The following AGAP3 variants were observed in gnomAD, a reference collection of about 807,000 sequenced individuals.
The protein encoded by AGAP3 is ArfGAP with GTPase domain, ankyrin repeat and PH domain 3, also known as arf-GAP with GTPase, ANK repeat and PH domain-containing protein 3.
A neutral mutation model predicts 96.9 loss-of-function variants in AGAP3; 24 were observed. The ratio of observed to expected loss-of-function variants is 0.25; its 90% confidence interval spans 0.18 to 0.35. The LOEUF is 0.35. Ranked by LOEUF, AGAP3 falls within the 10% of genes least tolerant of loss-of-function variation. The pLI is 1.00. For synonymous variants in AGAP3, 563 were observed against 536.1 expected (o/e 1.05, Z -0.69); for missense variants, 876 against 1,254.2 (o/e 0.70, Z 4.55).
chr7:151,122,982 G>C (rs1443562033), intron 8 of AGAP3: 2 of 1,426,500 alleles, frequency 1.4e-6, no homozygotes, highest in East Asian at 2.6e-5. Flanking sequence ...GGGGCTGCCG[G>C]GGACCAGGCC....
chr7:151,092,812 G>A (rs1297816486), intron 1 of AGAP3, among the ~76,000 whole-genome samples: 1 of 152,124 alleles, frequency 6.6e-6, no homozygotes, highest in Admixed American at 6.5e-5. Flanking sequence ...TTGCATGTAT[G>A]GGCTGAATAA....
At chr7:151,106,652 A>G (rs905977272) in intron 1 of AGAP3, among the ~76,000 whole-genome samples, 1 of 152,014 alleles carries the variant, frequency 6.6e-6, no homozygotes, top group Non-Finnish European at 1.5e-5. Flanking sequence ...TAAATTTTGT[A>G]TTCTTAGTAG....
In AGAP3 at chr7:151,096,202, C is replaced by T. The variant is rs1026216062; in HGVS notation, c.331+9130C>T. Among the ~76,000 whole-genome samples, 2 of 152,176 alleles carry T rather than the reference C, an allele frequency of 1.3e-5. No individual in the cohort carries two copies. The highest frequency in any genetic ancestry group is 2.4e-5 in the African/African-American group (1 of 41,446). ...GAGGCTCAGCTGTCATCACCGCCTG[C>T]GTGGGGATGCGTGAGGTGAGGGCTG... is the stretch of plus-strand genomic sequence containing the variant. On this transcript the variant is annotated intron_variant, in intron 1 of 17. Coordinates refer to ENST00000397238, the MANE Select transcript of AGAP3 (RefSeq NM_031946.7). The surrounding 1 kb of genome is among the most constrained non-coding windows in gnomAD (Gnocchi z 4.4).
intron 1 of AGAP3, among the ~76,000 whole-genome samples, chr7:151,089,524 T>C (rs1035881916): frequency 2.0e-5 from 3 of 152,100 alleles, no homozygotes; most frequent in African/African-American, 7.2e-5. Context: ...GTGAAGGGTT[T>C]GTTTGTCCCA....
At chr7:151,089,656 A>G (rs947910214) in intron 1 of AGAP3, 2 of 152,270 alleles carry the variant, frequency 1.3e-5, no homozygotes, top group African/African-American at 4.8e-5. Flanking sequence ...TGTCCAGGAC[A>G]GGAGGAAGCA....
Position 151,090,362 on chromosome 7 carries a change from A to G in AGAP3, c.331+3290A>G, listed in dbSNP as rs1798342485. 2.2e-5 allele frequency: 3 copies of G among 137,634 alleles called. No homozygotes were observed. In the Middle Eastern group the frequency reaches 0.013, roughly 573 times the overall value. 8.5% of individuals were successfully genotyped at this position (137,634 alleles called of 1,614,324 possible). ...CTGGGTGACTTACTCAGGTTTCTCCATCGTTTTCCCACTAGGGCTTTTTTT... is the reference window on the plus strand; with the variant it reads ...CTGGGTGACTTACTCAGGTTTCTCCGTCGTTTTCCCACTAGGGCTTTTTTT... On this transcript the variant is annotated intron_variant, in intron 1 of 17. Coordinates refer to ENST00000397238, the MANE Select transcript of AGAP3 (RefSeq NM_031946.7).
chr7:151,123,249 C>T (rs1800001097), intron 8 of AGAP3: 2 of 1,062,160 alleles, frequency 1.9e-6, no homozygotes, highest in Non-Finnish European at 2.3e-6. Flanking sequence ...CCCCTATTTC[C>T]TAGGATCCGC....
intron 8 of AGAP3, chr7:151,123,336 A>G (rs1038679951): frequency 2.9e-6 from 3 of 1,039,950 alleles, no homozygotes; most frequent in African/African-American, 3.4e-5. Context: ...CTGTCCATCC[A>G]CTGTGCCCCT....
chr7:151,115,427 C>T, intron 1 of AGAP3: 1 of 1,009,580 alleles, frequency 9.9e-7, no homozygotes, highest in East Asian at 9.2e-5. Flanking sequence ...CCCGTAGCGA[C>T]GGCGACGCCG....
chr7:151,137,200 C>T (rs1800630432), intron 11 of AGAP3, among the ~76,000 whole-genome samples: 1 of 152,242 alleles, frequency 6.6e-6, no homozygotes, highest in Admixed American at 6.5e-5. Context: ...TGGTGTGAGA[C>T]CTGGCGCCTG....
intron 11 of AGAP3, chr7:151,136,117 C>G (rs547945190): frequency 6.6e-6 from 1 of 152,290 alleles, no homozygotes; most frequent in East Asian, 1.9e-4. Flanking sequence ...GTCAGAGCTG[C>G]GGGGAGCCCT....
At chr7:151,104,009 G>A (rs188999146) in intron 1 of AGAP3, among the ~76,000 whole-genome samples, 2,266 of 152,238 alleles carry the variant, frequency 0.015, 51 homozygotes, top group African/African-American at 0.052. Flanking sequence ...CCGTGGCGGG[G>A]GCGTGAGGAC....
At chr7:151,107,027 C>T (rs1043076072) in intron 1 of AGAP3, among the ~76,000 whole-genome samples, 4 of 149,920 alleles carry the variant, frequency 2.7e-5, no homozygotes, top group East Asian at 2.1e-4. Flanking sequence ...AAATATTTTG[C>T]GGCCGGGCGT....
intron 1 of AGAP3, chr7:151,115,200 G>C (rs1316589264): frequency 9.9e-7 from 1 of 1,008,304 alleles, no homozygotes; most frequent in Admixed American, 6.1e-5. Flanking sequence ...CGAGGCGCCG[G>C]GCGCGGGTCT....
intron 10 of AGAP3, among the ~76,000 whole-genome samples, chr7:151,129,469 C>G (rs1194273426): frequency 1.3e-5 from 2 of 152,178 alleles, no homozygotes; most frequent in African/African-American, 4.8e-5. Context: ...ACCGCCCAGA[C>G]AGCCCTGCGG....
intron 1 of AGAP3, among the ~76,000 whole-genome samples, chr7:151,089,186 CCA>C (rs2150400502): frequency 6.6e-6 from 1 of 152,328 alleles, no homozygotes; most frequent in South Asian, 2.1e-4. Flanking sequence ...CACTCCTTCT[CCA>C]GTTTCTGCCC....
chr7:151,090,767 C>A (rs961944326), intron 1 of AGAP3, among the ~76,000 whole-genome samples: 1 of 152,026 alleles, frequency 6.6e-6, no homozygotes, highest in African/African-American at 2.4e-5. Context: ...CATGGTGAAA[C>A]CCCCGTCTCT....
At chr7:151,101,389 C>T (rs1447200515) in intron 1 of AGAP3, among the ~76,000 whole-genome samples, 2 of 152,222 alleles carry the variant, frequency 1.3e-5, no homozygotes, top group Non-Finnish European at 2.9e-5. Context: ...GACTCATGCC[C>T]TCCCTGTTGG....
At position 151,118,440 on chromosome 7, in the gene AGAP3, G is replaced by A; in HGVS notation, c.842-65G>A. On this transcript the variant is annotated intron_variant, in intron 6 of 17. Coordinates refer to ENST00000397238, the MANE Select transcript of AGAP3 (RefSeq NM_031946.7). This position sits in a 1 kb window ranked among gnomAD's most constrained non-coding sequence, Gnocchi z 6.1. ...GAGAGCAAGGCTGTGTGTCTGGGGG[G>A]AGGTGCTAAGCCAGGCTTTTCCCTT... is the stretch of plus-strand genomic sequence containing the variant. The A allele has an allele frequency of 3.1e-6, 5 of 1,601,180 alleles. No homozygotes were observed. Among genetic ancestry groups the A allele is most frequent in the African/African-American group, 2.7e-5 (2 of 74,872 alleles).
Sources: gnomAD v4.1 joint callset for allele counts (sites outside exome capture counted in the v4.1 genomes callset) on GRCh38, gnomAD v4.1.1 for gene constraint, Gnocchi (gnomAD v3.1) non-coding constraint, MANE v1.5 for transcripts, NCBI Gene and HGNC (gene_info 2026-07-23, HGNC 2026-07-21) for gene names.